FHIP2A: variants seen among roughly 807,000 people sequenced by gnomAD.
FHIP2A encodes the protein family with sequence similarity 160 member B1.
In FHIP2A, 46 loss-of-function variants were observed where a neutral mutation model predicts 93.5. The observed-to-expected ratio is 0.49, with a 90% CI of 0.39 to 0.63. The LOEUF (loss-of-function observed/expected upper bound fraction) is 0.63, where lower values mean the gene tolerates loss of function less well. FHIP2A is among the 20% of genes least tolerant of loss of function. The probability of loss-of-function intolerance (pLI) is 0.00; values close to 1 mark genes in which losing one functional copy is unlikely to be tolerated. For missense variants in FHIP2A, 769 were observed against 909.7 expected (o/e 0.85, Z 1.99); for synonymous variants, 332 against 326.5 (o/e 1.02, Z -0.18).
Position 114,862,928 on chromosome 10 carries a change from A to G in FHIP2A, c.*1388A>G. ...TTATGTAGCATGTTTGCATATACGC[A>G]TTGTGTGGCATGTGCATAGAGGCTT... On this transcript the variant is annotated 3_prime_UTR_variant, in exon 17 of 17. Transcript: ENST00000369248. 1.0e-6 allele frequency: 1 copy of G among 985,372 alleles called. No individual in the cohort carries two copies. Among genetic ancestry groups the G allele is most frequent in the African/African-American group, 1.7e-5 (1 of 57,350 alleles). The allele number at this position is 985,372 out of a possible 1,614,324, so 61.0% of individuals were successfully genotyped here.
chr10:114,875,716 GAGAAAGAAAGAAAGAGAGAGAA>G (rs1408723436), intron 16 of FHIP2A, among the ~76,000 whole-genome samples: 19 of 145,462 alleles, frequency 1.3e-4, no homozygotes, highest in African/African-American at 4.4e-4. Context: ...AAGAAAGAGA[GAGAAAGAAAGAAAGAGAGAGAA>G]AGAAAGAAAG....
At chr10:114,872,760 G>A (rs540207591) in intron 16 of FHIP2A, among the ~76,000 whole-genome samples, 48 of 152,308 alleles carry the variant, frequency 3.2e-4, no homozygotes, top group African/African-American at 1.0e-3. Context: ...TAATCACTAT[G>A]CCTCCAAATG....
rs766543010 is a variant in FHIP2A, at chr10:114,833,253, G to A, written c.145G>A (p.Asp49Asn). 2.5e-5 allele frequency: 41 copies of A among 1,610,258 alleles called. No individual in the cohort carries two copies. Among genetic ancestry groups the A allele is most frequent in the African/African-American group, 1.6e-4 (12 of 74,744 alleles). Residue 49 changes from aspartate to asparagine, a missense_variant, in exon 3 of 17, where the codon GAT becomes AAT. Coordinates refer to ENST00000369248, the MANE Select transcript of FHIP2A (RefSeq NM_020940.4). ...ETSDDKAPVT[D>N]TNIPSHLEQM... Reference sequence around the variant, plus strand: ...TTTAGATGATAAAGCCCCAGTGACCGATACAAATATTCCATCGCATCTGGA... The same window carrying A: ...TTTAGATGATAAAGCCCCAGTGACCAATACAAATATTCCATCGCATCTGGA...
intron 13 of FHIP2A, 86 bp downstream of exon 13, chr10:114,848,823 C>A: frequency 1.2e-6 from 1 of 831,244 alleles, no homozygotes; most frequent in South Asian, 1.5e-5. Context: ...ACCACTGCTC[C>A]AAGGAAATGA....
At position 114,862,029 on chromosome 10, in the gene FHIP2A, G is replaced by T; in HGVS notation, c.*489G>T. On this transcript the variant is annotated 3_prime_UTR_variant, in exon 17 of 17. Coordinates refer to ENST00000369248, the MANE Select transcript of FHIP2A (RefSeq NM_020940.4). ...CAAACAAAATATGAAAACTGTAAATGAGAAAAAAATACAATTCAGAAACCA... is the reference window on the plus strand; with the variant it reads ...CAAACAAAATATGAAAACTGTAAATTAGAAAAAAATACAATTCAGAAACCA... The T allele has an allele frequency of 1.0e-6, 1 of 967,942 alleles. No individual in the cohort carries two copies. The highest frequency in any genetic ancestry group is 1.2e-6 in the Non-Finnish European group (1 of 813,854). The allele number at this position is 967,942 out of a possible 1,614,324, so 60.0% of individuals were successfully genotyped here.
intron 13 of FHIP2A, 128 bp from the exon 14 acceptor site, chr10:114,855,069 T>G (rs2083758776): frequency 1.1e-6 from 1 of 907,540 alleles, no homozygotes; most frequent in Admixed American, 2.7e-5. Context: ...CCCTCTCCCT[T>G]GGCACCTGAA....
At chr10:114,850,156 A>G (rs1268733179) in intron 13 of FHIP2A, among the ~76,000 whole-genome samples, 4 of 152,098 alleles carry the variant, frequency 2.6e-5, no homozygotes, top group Non-Finnish European at 5.9e-5. Flanking sequence ...TGGTAATTCT[A>G]TATTTAACTT....
chr10:114,837,902 T>C (rs144598040), intron 5 of FHIP2A, among the ~76,000 whole-genome samples: 2 of 152,368 alleles, frequency 1.3e-5, no homozygotes, highest in African/African-American at 4.8e-5. Flanking sequence ...CACAGTTGTT[T>C]ATCCATACAC....
intron 16 of FHIP2A, among the ~76,000 whole-genome samples, chr10:114,883,168 CAG>C (rs911123226): frequency 1.2e-4 from 18 of 152,146 alleles, no homozygotes; most frequent in African/African-American, 4.3e-4. Context: ...TGTGACATTA[CAG>C]GGTTAGTTTT....
At position 114,862,144 on chromosome 10, in the gene FHIP2A, T is replaced by C; in HGVS notation, c.*604T>C. On this transcript the variant is annotated 3_prime_UTR_variant, in exon 17 of 17. Transcript: ENST00000369248. Reference sequence around the variant, plus strand: ...AAGAATAACAATTTAATATGATAAATTCTTGATTAATATAATATATCTATA... The same window carrying C: ...AAGAATAACAATTTAATATGATAAACTCTTGATTAATATAATATATCTATA... The C allele has an allele frequency of 1.1e-6, 1 of 908,610 alleles. No individual in the cohort carries two copies. The highest frequency in any genetic ancestry group is 1.3e-6 in the Non-Finnish European group (1 of 759,708). The allele number at this position is 908,610 out of a possible 1,614,324, so 56.3% of individuals were successfully genotyped here. A position where few individuals can be genotyped will look rare whatever the true frequency, so the allele number is the denominator to read the frequency against.
chr10:114,899,737 A>G (rs2084018078), exon 17 of FHIP2A: 1 of 453,074 alleles, frequency 2.2e-6, no homozygotes, highest in Non-Finnish European at 3.9e-6. Context: ...TTCCCCAAAG[A>G]AAATCAGGGG....
At chr10:114,894,824 A>G (rs1489321253) in intron 16 of FHIP2A, among the ~76,000 whole-genome samples, 1 of 152,254 alleles carries the variant, frequency 6.6e-6, no homozygotes, top group Non-Finnish European at 1.5e-5. Flanking sequence ...TAGAGTGTGT[A>G]GTAGAAAGTG....
At chr10:114,878,091 T>G (rs565163611) in intron 16 of FHIP2A, among the ~76,000 whole-genome samples, 24 of 152,360 alleles carry the variant, frequency 1.6e-4, no homozygotes, top group African/African-American at 5.8e-4. Flanking sequence ...CATTTTTATG[T>G]ATTTTCTTTC....
chr10:114,879,980 T>A (rs759216912), intron 16 of FHIP2A, among the ~76,000 whole-genome samples: 2 of 152,228 alleles, frequency 1.3e-5, no homozygotes, highest in African/African-American at 4.8e-5. Flanking sequence ...TCTTTACATA[T>A]GTATTCCACA....
intron 16 of FHIP2A, among the ~76,000 whole-genome samples, chr10:114,877,167 T>C (rs1334412470): frequency 6.6e-6 from 1 of 152,138 alleles, no homozygotes; most frequent in Non-Finnish European, 1.5e-5. Context: ...AGCACCCCTG[T>C]TCTTAGAGGA....
Position 114,863,458 on chromosome 10 carries a change from C to A in FHIP2A, c.*1918C>A. 1 of 1,117,184 alleles carries A rather than the reference C, an allele frequency of 9.0e-7. No homozygotes were observed. The highest frequency in any genetic ancestry group is 2.1e-5 in the South Asian group (1 of 48,656). The allele number at this position is 1,117,184 out of a possible 1,614,324, so 69.2% of individuals were successfully genotyped here. On this transcript the variant is annotated 3_prime_UTR_variant, in exon 17 of 17. Coordinates refer to ENST00000369248, the MANE Select transcript of FHIP2A (RefSeq NM_020940.4). The stretch of plus-strand genomic sequence containing the variant: ...TTTATCCTTGATTCCACTATGGGAC[C>A]TTATAACTAGTCCATGAAACCAAGC...
At chr10:114,868,661 G>A (rs926822256), downstream of FHIP2A, among the ~76,000 whole-genome samples, 3 of 152,180 alleles carry the variant, frequency 2.0e-5, no homozygotes, top group Non-Finnish European at 4.4e-5. Flanking sequence ...CAGACTGCCA[G>A]AAATCTAAAT....
At chr10:114,850,827 T>A (rs2083730626) in intron 13 of FHIP2A, among the ~76,000 whole-genome samples, 1 of 152,230 alleles carries the variant, frequency 6.6e-6, no homozygotes, top group Non-Finnish European at 1.5e-5. Flanking sequence ...TTACAAACAT[T>A]TTCTCCCATC....
In FHIP2A at chr10:114,861,385, TG is replaced by T. The variant is rs777162236; in HGVS notation, c.2193-49del. 7.4e-6 allele frequency: 12 copies of T among 1,613,834 alleles called. No homozygotes were observed. The African/African-American group carries it at 1.6e-4, about 22-fold the overall frequency. On this transcript the variant is annotated intron_variant, in intron 16 of 16. Transcript: ENST00000369248. Reference sequence around the variant, plus strand: ...AATCCAAAAATTTCAGTGAACTTAATGATCGGCTGCTATCTTGAATTGATTT... The same window carrying T: ...AATCCAAAAATTTCAGTGAACTTAATATCGGCTGCTATCTTGAATTGATTT...
Sources: gnomAD v4.1 joint callset for allele counts (sites outside exome capture counted in the v4.1 genomes callset) on GRCh38, gnomAD v4.1.1 for gene constraint, MANE v1.5 for transcripts, NCBI Gene and HGNC (gene_info 2026-07-23, HGNC 2026-07-21) for gene names.